GABRA6: variants seen among roughly 807,000 people sequenced by gnomAD.
GABRA6 encodes the protein gamma-aminobutyric acid receptor subunit alpha-6.
GABRA6 carries 45 observed loss-of-function variants against 47.3 expected under a neutral mutation model. The ratio of observed to expected loss-of-function variants is 0.95; its 90% confidence interval spans 0.75 to 1.22. GABRA6 has a LOEUF of 1.22. Ranked by LOEUF, GABRA6 falls within the 50% of genes most tolerant of loss-of-function variation. The probability of loss-of-function intolerance (pLI) is 0.00; values close to 1 mark genes in which losing one functional copy is unlikely to be tolerated. For synonymous variants in GABRA6, 219 were observed against 194.7 expected (o/e 1.12, Z -1.04); for missense variants, 583 against 549.3 (o/e 1.06, Z -0.61).
At position 161,698,453 on chromosome 5, in the gene GABRA6, G is replaced by A. The variant is rs1020998312; in HGVS notation, c.1087-3045G>A. 3.9e-5 allele frequency among the ~76,000 whole-genome samples: 6 copies of A among 152,122 alleles called. No individual in the cohort carries two copies. The East Asian group carries it at 7.7e-4, about 20-fold the overall frequency. On this transcript the variant is annotated intron_variant, in intron 8 of 8. Coordinates refer to ENST00000274545, the MANE Select transcript of GABRA6 (RefSeq NM_000811.3). ...AGAAATAAAGATAGGTGAGTGGTGA[G>A]AATGAGAAGCAGACATATTTTGAAA...
intron 8 of GABRA6, among the ~76,000 whole-genome samples, chr5:161,700,975 A>G (rs373266231): frequency 1.3e-5 from 2 of 152,218 alleles, no homozygotes; most frequent in Non-Finnish European, 2.9e-5. Flanking sequence ...TCCTTAAATC[A>G]TAGCTGATTC....
At position 161,686,823 on chromosome 5, in the gene GABRA6, G is replaced by T. The variant is rs539082418; in HGVS notation, c.158-113G>T. The T allele has an allele frequency of 5.7e-6, 5 of 880,858 alleles. No homozygotes were observed. In the Admixed American group the frequency reaches 7.5e-5, roughly 13 times the overall value. 54.6% of individuals were successfully genotyped at this position (880,858 alleles called of 1,614,324 possible). On this transcript the variant is annotated intron_variant, in intron 2 of 8. Coordinates refer to ENST00000274545, the MANE Select transcript of GABRA6 (RefSeq NM_000811.3). The stretch of plus-strand genomic sequence containing the variant: ...GATCCCCACTACTGGAATGCAATAG[G>T]ACACATTGCAGATACTGGCTATGAT...
chr5:161,691,797 T>C (rs781368513), intron 7 of GABRA6, 144 bp from the exon 8 acceptor site: 26 of 708,976 alleles, frequency 3.7e-5, no homozygotes, highest in Non-Finnish European at 5.8e-5. Flanking sequence ...ATAATAATTA[T>C]GAACAATTAT....
At chr5:161,693,532 C>T (rs13165944) in intron 8 of GABRA6, among the ~76,000 whole-genome samples, 29,231 of 151,858 alleles carry the variant, frequency 0.19, 3,520 homozygotes, top group Non-Finnish European at 0.28. Flanking sequence ...TTGTATAAGC[C>T]GAGTGCAGTG....
Position 161,689,344 on chromosome 5 carries a change from A to C in GABRA6, c.529+8A>C. ...CACTCAAGTTTGGGAGCTGTAAGTT[A>C]CAACAGGCTTCTGAGAGTCAAATAA... On this transcript the variant is annotated splice_region_variant and intron_variant, in intron 5 of 8. Coordinates refer to ENST00000274545, the MANE Select transcript of GABRA6 (RefSeq NM_000811.3). 1 of 1,611,684 alleles carries C rather than the reference A, an allele frequency of 6.2e-7. No homozygotes were observed. Among genetic ancestry groups the C allele is most frequent in the Non-Finnish European group, 8.5e-7 (1 of 1,177,768 alleles).
chr5:161,692,798 A>G (rs1216573445), intron 8 of GABRA6, among the ~76,000 whole-genome samples: 3 of 152,362 alleles, frequency 2.0e-5, no homozygotes, highest in South Asian at 4.1e-4. Context: ...TCAGTGAGAA[A>G]TAGTTATAAA....
At chr5:161,688,699 G>C (rs1338667866) in intron 3 of GABRA6, among the ~76,000 whole-genome samples, 1 of 152,132 alleles carries the variant, frequency 6.6e-6, no homozygotes, top group African/African-American at 2.4e-5. Flanking sequence ...TAGATAAAGA[G>C]GAAGAATATT....
intron 8 of GABRA6, among the ~76,000 whole-genome samples, chr5:161,693,972 T>C (rs966992716): frequency 3.3e-5 from 5 of 152,116 alleles, no homozygotes; most frequent in Non-Finnish European, 7.4e-5. Flanking sequence ...AGTAGTTGAG[T>C]CCCAAAATTC....
intron 7 of GABRA6, 36 bp downstream of exon 7, chr5:161,690,389 C>A (rs1329968193): frequency 2.1e-5 from 34 of 1,594,892 alleles, no homozygotes; most frequent in Non-Finnish European, 2.7e-5. Context: ...GTACATTCAT[C>A]CTCCACCTTT....
At chr5:161,691,637 A>G (rs1754793481) in intron 7 of GABRA6, among the ~76,000 whole-genome samples, 1 of 151,944 alleles carries the variant, frequency 6.6e-6, no homozygotes, top group Non-Finnish European at 1.5e-5. Flanking sequence ...AATTTGTTAC[A>G]AGTTCTCTCA....
At position 161,689,768 on chromosome 5, in the gene GABRA6, A is replaced by G. The variant is rs765506471; in HGVS notation, c.662A>G (p.Lys221Arg). ...IGQTVSSETI[K>R]SNTGEYVIMT... The stretch of plus-strand genomic sequence containing the variant: ...CAAACAGTATCTAGTGAGACAATTA[A>G]ATCTAACACAGGTAAGAATTTGACC... The change falls in exon 6 of 9, where the codon AAA (lysine) becomes AGA (arginine). Residue 221 changes from lysine to arginine, a missense_variant. Physicochemically the swap from Lys to Arg is conservative, Grantham distance 26. Transcript: ENST00000274545. 3.1e-6 allele frequency: 5 copies of G among 1,613,092 alleles called. No homozygotes were observed. The African/African-American group carries it at 6.7e-5, about 22-fold the overall frequency.
intron 3 of GABRA6, 103 bp from the exon 4 acceptor site, chr5:161,688,846 T>C: frequency 2.2e-6 from 2 of 896,670 alleles, no homozygotes; most frequent in Admixed American, 3.8e-5. Context: ...GATAAAAAGT[T>C]GCTTTATTGC....
At chr5:161,689,582 A>G (rs774791692) in intron 5 of GABRA6, 54 bp from the exon 6 acceptor site, 3 of 1,501,190 alleles carry the variant, frequency 2.0e-6, no homozygotes, top group Non-Finnish European at 2.8e-6. Context: ...TTTGAAGGAA[A>G]AAAAGACAAC....
chr5:161,690,758 C>T (rs930255772), intron 7 of GABRA6, among the ~76,000 whole-genome samples: 1 of 152,058 alleles, frequency 6.6e-6, no homozygotes, highest in Non-Finnish European at 1.5e-5. Context: ...ATTGTCATTT[C>T]GTCAATTTTT....
intron 5 of GABRA6, 65 bp from the exon 6 acceptor site, chr5:161,689,571 C>A: frequency 7.1e-7 from 1 of 1,417,908 alleles, no homozygotes; most frequent in Non-Finnish European, 9.9e-7. Context: ...ACAATGTGCA[C>A]TTTGAAGGAA....
chr5:161,689,200 C>T (rs1184200938), intron 4 of GABRA6, 31 bp downstream of exon 4: 2 of 1,611,320 alleles, frequency 1.2e-6, no homozygotes, highest in Non-Finnish European at 1.7e-6. Context: ...TTTCCCCTGC[C>T]TAAATGATAT....
intron 8 of GABRA6, among the ~76,000 whole-genome samples, chr5:161,699,220 G>A (rs959354253): frequency 4.6e-5 from 7 of 152,272 alleles, no homozygotes; most frequent in South Asian, 2.1e-4. Context: ...AAGTCAAAAT[G>A]AGTGTAGAAA....
chr5:161,694,324 C>T (rs538165030), intron 8 of GABRA6, among the ~76,000 whole-genome samples: 1 of 149,538 alleles, frequency 6.7e-6, no homozygotes, highest in Non-Finnish European at 1.5e-5. Flanking sequence ...AAAAAAAGAT[C>T]GTCAAAAACA....
At chr5:161,686,536 C>A (rs187277296) in intron 2 of GABRA6, among the ~76,000 whole-genome samples, 188 bp downstream of exon 2, 6 of 152,300 alleles carry the variant, frequency 3.9e-5, no homozygotes, top group Admixed American at 6.5e-5. Flanking sequence ...GTTATCTGAA[C>A]TCTCTAAGCC....
Sources: allele counts gnomAD v4.1 joint callset (sites outside exome capture counted in the v4.1 genomes callset), GRCh38; gene constraint gnomAD v4.1.1; transcripts MANE v1.5; gene names NCBI Gene and HGNC (gene_info 2026-07-23, HGNC 2026-07-21).